CYP39A1: variants seen among roughly 807,000 people sequenced by gnomAD.
CYP39A1 encodes cytochrome P450 family 39 subfamily A member 1.
CYP39A1 carries 49 observed loss-of-function variants against 58.1 expected under a neutral mutation model. That is an observed-to-expected ratio of 0.84 (90% CI 0.67 to 1.07). The LOEUF is 1.07. Ranked by LOEUF, CYP39A1 falls within the 50% of genes least tolerant of loss-of-function variation. The pLI is 0.00. For synonymous variants in CYP39A1, 209 were observed against 187.6 expected (o/e 1.11, Z -0.93); for missense variants, 531 against 539.4 (o/e 0.98, Z 0.16).
chr6:46,641,520 G>A (rs1031207712), intron 2 of CYP39A1, among the ~76,000 whole-genome samples: 2 of 152,106 alleles, frequency 1.3e-5, no homozygotes, highest in African/African-American at 2.4e-5. Flanking sequence ...CATTGTGAAA[G>A]CACAAAAAAG....
chr6:46,550,956 A>G (rs699938), intron 11 of CYP39A1, among the ~76,000 whole-genome samples: 28,754 of 152,072 alleles, frequency 0.19, 5,420 homozygotes, highest in African/African-American at 0.48. Flanking sequence ...GGCTCCAAAT[A>G]TTCTGACTTT....
At chr6:46,569,776 T>A (rs1463766069) in intron 10 of CYP39A1, among the ~76,000 whole-genome samples, 1 of 151,014 alleles carries the variant, frequency 6.6e-6, no homozygotes, top group Non-Finnish European at 1.5e-5. Flanking sequence ...GGTGCTAGTA[T>A]TTTTTTTTGT....
chr6:46,561,893 T>G (rs1287055299), intron 10 of CYP39A1, among the ~76,000 whole-genome samples: 1 of 152,004 alleles, frequency 6.6e-6, no homozygotes, highest in Non-Finnish European at 1.5e-5. Context: ...AAGGCTGGGG[T>G]TAGGGGAGTT....
chr6:46,585,548 T>G (rs952761957), intron 10 of CYP39A1, among the ~76,000 whole-genome samples: 2 of 152,078 alleles, frequency 1.3e-5, no homozygotes, highest in African/African-American at 4.8e-5. Context: ...CATGATGGGT[T>G]TTTGTTGCTA....
rs1283951612 is a variant in CYP39A1 at position 46,627,143 on chromosome 6, C to T, written c.841-1635G>A. On this transcript the variant is annotated intron_variant, in intron 6 of 11. Transcript: ENST00000275016. ...ATCAGATATTATGAGAACTCACTCA[C>T]TATCACAAGGACAGCCTGGGGAAAA... 3.3e-5 allele frequency among the ~76,000 whole-genome samples: 5 copies of T among 152,148 alleles called. No homozygotes were observed. In the East Asian group the frequency reaches 9.6e-4, roughly 29 times the overall value.
At chr6:46,588,592 C>T (rs1159781259) in intron 8 of CYP39A1, among the ~76,000 whole-genome samples, 2 of 152,032 alleles carry the variant, frequency 1.3e-5, no homozygotes, top group Non-Finnish European at 2.9e-5. Flanking sequence ...GGACAATGGC[C>T]ATGGTAGCAC....
intron 10 of CYP39A1, among the ~76,000 whole-genome samples, chr6:46,562,425 T>C (rs1429013941): frequency 1.3e-5 from 2 of 152,260 alleles, no homozygotes; most frequent in East Asian, 3.9e-4. Flanking sequence ...ATGTACATAT[T>C]CAAAGCATCA....
intron 3 of CYP39A1, among the ~76,000 whole-genome samples, chr6:46,638,602 A>G (rs1367472462): frequency 6.6e-6 from 1 of 152,160 alleles, no homozygotes; most frequent in African/African-American, 2.4e-5. Context: ...TCCTCCACCC[A>G]AAGTTTTAAA....
intron 7 of CYP39A1, among the ~76,000 whole-genome samples, chr6:46,606,410 A>G (rs529505790): frequency 3.3e-5 from 5 of 152,214 alleles, no homozygotes; most frequent in Non-Finnish European, 7.3e-5. Context: ...GACCTTTTTT[A>G]CTATGACTCT....
intron 10 of CYP39A1, chr6:46,583,417 C>A (rs1772264687): frequency 1.0e-6 from 1 of 985,260 alleles, no homozygotes; most frequent in Admixed American, 6.2e-5. Flanking sequence ...CAGAGGTGCT[C>A]ACTCAAAGAA....
At chr6:46,574,477 A>G (rs1454489788) in intron 10 of CYP39A1, among the ~76,000 whole-genome samples, 1 of 152,236 alleles carries the variant, frequency 6.6e-6, no homozygotes, top group Admixed American at 6.5e-5. Context: ...AGGAGAAGGA[A>G]TTAGGTGATG....
chr6:46,618,899 A>G (rs527421317), intron 7 of CYP39A1, among the ~76,000 whole-genome samples: 18 of 152,156 alleles, frequency 1.2e-4, no homozygotes, highest in Admixed American at 3.9e-4. Context: ...AAATCAACCA[A>G]TCTAGAACTA....
At chr6:46,638,571 A>C (rs1413860905) in intron 3 of CYP39A1, among the ~76,000 whole-genome samples, 2 of 152,214 alleles carry the variant, frequency 1.3e-5, no homozygotes, top group African/African-American at 2.4e-5. Context: ...TTTAATTTTT[A>C]TTTACCATCC....
chr6:46,573,953 C>T lies in CYP39A1; in HGVS notation c.1250+13124G>A, dbSNP rs546530218. Among the ~76,000 whole-genome samples the T allele has an allele frequency of 7.2e-5, 11 of 152,256 alleles. No homozygotes were observed. The East Asian group carries it at 1.7e-3, about 24-fold the overall frequency. On this transcript the variant is annotated intron_variant, in intron 10 of 11. Transcript: ENST00000275016. ...AAAACTCTTGCTTTTAAGGGAATTA[C>T]ATTACTGAGGATACTTTTGGTTGCA...
intron 6 of CYP39A1, among the ~76,000 whole-genome samples, chr6:46,627,261 C>A (rs1234590850): frequency 1.3e-5 from 2 of 152,064 alleles, no homozygotes; most frequent in African/African-American, 4.8e-5. Flanking sequence ...TACACAGAGC[C>A]AAGCCATATT....
chr6:46,616,189 TC>T (rs1561994153), intron 7 of CYP39A1, among the ~76,000 whole-genome samples: 3 of 10,216 alleles, frequency 2.9e-4, no homozygotes, highest in Admixed American at 6.6e-4. Context: ...CTTTCTTTCT[TC>T]TTTCCCTCCC....
chr6:46,635,223 A>G (rs1026785515), intron 5 of CYP39A1, among the ~76,000 whole-genome samples: 6 of 152,362 alleles, frequency 3.9e-5, no homozygotes, highest in African/African-American at 1.2e-4. Flanking sequence ...AATGATGATA[A>G]CAATGATAAG....
chr6:46,581,265 G>T (rs1191447423), intron 10 of CYP39A1, among the ~76,000 whole-genome samples: 2 of 152,064 alleles, frequency 1.3e-5, no homozygotes, highest in African/African-American at 4.8e-5. Flanking sequence ...TTTAAAATTA[G>T]CTGGGCACTA....
chr6:46,621,318 A>G lies in CYP39A1; in HGVS notation c.931+4100T>C, dbSNP rs528564346. On this transcript the variant is annotated intron_variant, in intron 7 of 11. Transcript: ENST00000275016. ...ACTAAATAGAGAAATTGTAAAGATT[A>G]GAACAAAATTAAATTAAATACAAAA... Among the ~76,000 whole-genome samples the G allele has an allele frequency of 2.8e-3, 405 of 145,952 alleles. 3 individuals carry two copies. The highest frequency in any genetic ancestry group is 0.01 in the African/African-American group (389 of 38,526).
Sources: allele counts gnomAD v4.1 joint callset (sites outside exome capture counted in the v4.1 genomes callset), GRCh38; gene constraint gnomAD v4.1.1; transcripts MANE v1.5; gene names NCBI Gene and HGNC (gene_info 2026-07-23, HGNC 2026-07-21).